The following PRKCH variants were observed in gnomAD, a reference collection of about 807,000 sequenced individuals.
The protein encoded by PRKCH is protein kinase C eta, also known as protein kinase C eta type.
Under a neutral mutation model 82.5 loss-of-function variants are expected in PRKCH, and 28 were observed. The observed-to-expected ratio is 0.34, with a 90% CI of 0.25 to 0.47. The LOEUF (loss-of-function observed/expected upper bound fraction) is 0.47, where lower values mean the gene tolerates loss of function less well. Among genes scored for constraint, PRKCH ranks in the 20% least tolerant of loss-of-function variants. The pLI is 1.00. For missense variants in PRKCH, 705 were observed against 881.8 expected, an observed-to-expected ratio of 0.80 and a Z score of 2.54; for synonymous variants, 322 against 327.4, an observed-to-expected ratio of 0.98 and a Z score of 0.18.
At chr14:61,205,489 A>G (rs1446184285) in intron 1 of PRKCH, among the ~76,000 whole-genome samples, 10 of 152,142 alleles carry the variant, frequency 6.6e-5, no homozygotes, top group Non-Finnish European at 4.4e-5. Flanking sequence ...TCCAGGGGAG[A>G]GGCAAGGAAG....
intron 1 of PRKCH, among the ~76,000 whole-genome samples, chr14:61,387,413 A>G (rs965329811): frequency 2.6e-5 from 4 of 152,234 alleles, no homozygotes; most frequent in Admixed American, 6.5e-5. Context: ...CTCAAGTGTT[A>G]TTCCCAGAAG....
At position 61,507,521 on chromosome 14, in the gene PRKCH, G is replaced by A. The variant is rs986128865; in HGVS notation, c.1434-21554G>A. On this transcript the variant is annotated intron_variant, in intron 10 of 13. Transcript: ENST00000332981. ...GCGTTATTCACGATAGTCAAAATAT[G>A]GAAACAATCTAAATGTCCTTCTGCA... Among the ~76,000 whole-genome samples the A allele has an allele frequency of 3.9e-5, 6 of 152,184 alleles. No homozygotes were observed. The South Asian group carries it at 6.2e-4, about 16-fold the overall frequency.
At chr14:61,541,323 GT>G (rs2043181972) in intron 12 of PRKCH, among the ~76,000 whole-genome samples, 1 of 152,266 alleles carries the variant, frequency 6.6e-6, no homozygotes, top group Non-Finnish European at 1.5e-5. Context: ...GGCCATTAGG[GT>G]CTATGGTCAT....
Position 61,526,379 on chromosome 14 carries a change from T to G in PRKCH, c.1434-2696T>G, listed in dbSNP as rs75863248. On this transcript the variant is annotated intron_variant, in intron 10 of 13. Transcript: ENST00000332981. ...CCCTGACACCCGGGGAGGCTGCTAC[T>G]AAGAGCAGAGAAGTCTGTTCTATGT... 8.8e-3 allele frequency among the ~76,000 whole-genome samples: 1,337 copies of G among 152,338 alleles called. 21 individuals carry two copies. The highest frequency in any genetic ancestry group is 0.031 in the African/African-American group (1,270 of 41,580).
In PRKCH at chr14:61,257,228, T is replaced by TA. The variant is rs1379967304; in HGVS notation, c.-19+69567dup. Among the ~76,000 whole-genome samples, 7 of 152,124 alleles carry TA rather than the reference T, an allele frequency of 4.6e-5. No homozygotes were observed. The South Asian group carries it at 6.2e-4, about 14-fold the overall frequency. The stretch of plus-strand genomic sequence containing the variant: ...GTTAATAATATTACCACTATTCATG[T>TA]AAAAAAACACTGAGACAATCTCTTA... On this transcript the variant is annotated intron_variant, in intron 1 of 3. Coordinates refer to the PRKCH transcript ENST00000555185.
intron 1 of PRKCH, among the ~76,000 whole-genome samples, chr14:61,375,008 A>G (rs911928388): frequency 6.6e-6 from 1 of 151,974 alleles, no homozygotes; most frequent in Non-Finnish European, 1.5e-5. Flanking sequence ...ATTTCACACC[A>G]TCCCTTTCTT....
intron 1 of PRKCH, among the ~76,000 whole-genome samples, chr14:61,388,957 C>A (rs998190348): frequency 2.0e-5 from 3 of 152,170 alleles, no homozygotes; most frequent in Non-Finnish European, 4.4e-5. Flanking sequence ...AAGCAGGCAT[C>A]TTTTATTTTG....
rs139048563 is a variant in PRKCH, at chr14:61,341,274, C to T, written c.363+18810C>T. 2.7e-3 allele frequency among the ~76,000 whole-genome samples: 409 copies of T among 152,276 alleles called. 2 individuals carry two copies. Among genetic ancestry groups the T allele is most frequent in the African/African-American group, 9.4e-3 (389 of 41,556 alleles). ...GACAGACTAGGTTTTCTTGCCTCTG[C>T]TCATGTCTAATTCACCTTATTTACA... On this transcript the variant is annotated intron_variant, in intron 1 of 13. Transcript: ENST00000332981.
At position 61,425,545 on chromosome 14, in the gene PRKCH, C is replaced by T. The variant is rs117470667; in HGVS notation, c.428-17566C>T. Among the ~76,000 whole-genome samples, 205 of 152,310 alleles carry T rather than the reference C, an allele frequency of 1.3e-3. 1 individual carries two copies. Among genetic ancestry groups the T allele is most frequent in the Admixed American group, 2.2e-3 (34 of 15,302 alleles). ...GGGTGTTCTTATCCAGTGCCTGTAC[C>T]ACCATTGTATCTTGGAAGGAACTAA... On this transcript the variant is annotated intron_variant, in intron 2 of 13. Coordinates refer to ENST00000332981, the MANE Select transcript of PRKCH (RefSeq NM_006255.5).
intron 9 of PRKCH, among the ~76,000 whole-genome samples, chr14:61,465,560 T>C (rs1698922282): frequency 6.6e-6 from 1 of 152,236 alleles, no homozygotes. Flanking sequence ...TTCTGAGCTC[T>C]GTATTCTGTC....
intron 1 of PRKCH, among the ~76,000 whole-genome samples, chr14:61,255,488 GA>G (rs1319249619): frequency 6.6e-6 from 1 of 152,100 alleles, no homozygotes; most frequent in Non-Finnish European, 1.5e-5. Context: ...AATTGTGGAT[GA>G]GGCAATTTTT....
At chr14:61,416,057 T>TTC (rs1555385119) in intron 2 of PRKCH, among the ~76,000 whole-genome samples, 2 of 66,950 alleles carry the variant, frequency 3.0e-5, no homozygotes, top group Non-Finnish European at 5.9e-5. Context: ...TCTTTTCTTT[T>TTC]TTTTTTTTTT....
chr14:61,288,000 T>A (rs2045329900), intron 1 of PRKCH, among the ~76,000 whole-genome samples: 1 of 152,192 alleles, frequency 6.6e-6, no homozygotes. Flanking sequence ...AGGTAAATAA[T>A]TAAACATTTC....
At chr14:61,393,762 G>C (rs2046724401) in intron 2 of PRKCH, among the ~76,000 whole-genome samples, 1 of 152,102 alleles carries the variant, frequency 6.6e-6, no homozygotes, top group South Asian at 2.1e-4. Flanking sequence ...TGTCAATTCT[G>C]CCTTCAAGCC....
intron 1 of PRKCH, among the ~76,000 whole-genome samples, chr14:61,194,245 T>C (rs1450516140): frequency 6.6e-6 from 1 of 152,238 alleles, no homozygotes; most frequent in Non-Finnish European, 1.5e-5. Context: ...TCTAGGACAA[T>C]GAAAGAAACT....
At chr14:61,519,125 A>T (rs1056026583) in intron 10 of PRKCH, among the ~76,000 whole-genome samples, 1 of 152,126 alleles carries the variant, frequency 6.6e-6, no homozygotes, top group African/African-American at 2.4e-5. Flanking sequence ...TCTACAAAAA[A>T]TTTAAAGATT....
At chr14:61,544,260 C>G (rs1418594493) in intron 12 of PRKCH, 1 of 152,194 alleles carries the variant, frequency 6.6e-6, no homozygotes, top group Non-Finnish European at 1.5e-5. Context: ...GCAGAAGCCC[C>G]TGCTCAACTC....
intron 1 of PRKCH, among the ~76,000 whole-genome samples, chr14:61,193,855 G>A (rs1377632539): frequency 6.6e-6 from 1 of 152,154 alleles, no homozygotes; most frequent in African/African-American, 2.4e-5. Context: ...TTCTCTTAAG[G>A]CACAAAGTAT....
At chr14:61,213,907 T>C (rs1566783057) in intron 1 of PRKCH, among the ~76,000 whole-genome samples, 1 of 152,350 alleles carries the variant, frequency 6.6e-6, no homozygotes, top group East Asian at 1.9e-4. Context: ...CTGGGGATAC[T>C]ACAGGAAACA....
Sources: allele counts gnomAD v4.1 joint callset (sites outside exome capture counted in the v4.1 genomes callset), GRCh38; gene constraint gnomAD v4.1.1; transcripts MANE v1.5; gene names NCBI Gene and HGNC (gene_info 2026-07-23, HGNC 2026-07-21).